GAN: variants seen among roughly 807,000 people sequenced by gnomAD.
GAN encodes gigaxonin.
A neutral mutation model predicts 71.3 loss-of-function variants in GAN; 48 were observed. The ratio of observed to expected loss-of-function variants is 0.67; its 90% CI spans 0.53 to 0.86. The LOEUF is 0.86. Among genes scored for constraint, GAN ranks in the 40% least tolerant of loss-of-function variants. The pLI is 0.00. For synonymous variants in GAN, 386 were observed against 276.8 expected (o/e 1.39, Z -3.92); for missense variants, 928 against 770.1 (o/e 1.21, Z -2.43).
chr16:81,371,628 C>A (rs1413017223), intron 9 of GAN, among the ~76,000 whole-genome samples: 2 of 152,118 alleles, frequency 1.3e-5, no homozygotes, highest in Non-Finnish European at 2.9e-5. Context: ...TTGAGGGGTG[C>A]TTCTCTACCT....
At chr16:81,335,674 G>T (rs187375867) in intron 1 of GAN, among the ~76,000 whole-genome samples, 43 of 150,388 alleles carry the variant, frequency 2.9e-4, no homozygotes, top group African/African-American at 1.1e-3. Context: ...TTGAACTCGG[G>T]AGGCGGAGGT....
At chr16:81,373,563 G>C (rs143998785) in intron 9 of GAN, among the ~76,000 whole-genome samples, 16 of 152,214 alleles carry the variant, frequency 1.1e-4, no homozygotes, top group African/African-American at 3.4e-4. Flanking sequence ...TTACATGACC[G>C]TAGTACAAGC....
At position 81,377,712 on chromosome 16, in the gene GAN, C is replaced by A; in HGVS notation, c.*116C>A. Reference sequence around the variant, plus strand: ...TCTGTGCTGGGCTTTGGTATGGTAACTCTTTGGTGGTTTTATGATGCTTAC... The same window carrying A: ...TCTGTGCTGGGCTTTGGTATGGTAAATCTTTGGTGGTTTTATGATGCTTAC... On this transcript the variant is annotated 3_prime_UTR_variant, in exon 11 of 11. Coordinates refer to ENST00000648994, the MANE Select transcript of GAN (RefSeq NM_022041.4). The A allele has an allele frequency of 1.0e-6, 1 of 961,218 alleles. No homozygotes were observed. The highest frequency in any genetic ancestry group is 1.3e-5 in the South Asian group (1 of 76,926). 59.5% of individuals were successfully genotyped at this position (961,218 alleles called of 1,614,324 possible).
At chr16:81,328,623 A>G (rs1238692767) in intron 1 of GAN, among the ~76,000 whole-genome samples, 1 of 150,832 alleles carries the variant, frequency 6.6e-6, no homozygotes, top group Non-Finnish European at 1.5e-5. Context: ...GTCTTATCAT[A>G]TAAAGACCCT....
chr16:81,328,058 G>A (rs1909446825), intron 1 of GAN, among the ~76,000 whole-genome samples: 1 of 152,134 alleles, frequency 6.6e-6, no homozygotes. Flanking sequence ...AATCGTCTTT[G>A]AACTCTTAAA....
chr16:81,335,521 C>A (rs1317823578), intron 1 of GAN, among the ~76,000 whole-genome samples: 2 of 151,912 alleles, frequency 1.3e-5, no homozygotes, highest in African/African-American at 4.8e-5. Flanking sequence ...CCAAGGTGGG[C>A]AGATCAACTG....
Position 81,362,573 on chromosome 16 carries a change from G to C in GAN, c.1048G>C (p.Asp350His). 6.2e-6 allele frequency: 10 copies of C among 1,605,196 alleles called. No individual in the cohort carries two copies. The highest frequency in any genetic ancestry group is 8.5e-6 in the Non-Finnish European group (10 of 1,171,794). Residue 350 changes from aspartate to histidine, a missense_variant, in exon 6 of 11, where the codon GAT (aspartate) becomes CAT (histidine). Asp to His is a moderately conservative substitution (Grantham distance 81). Transcript: ENST00000648994. ...TLSSGEKYDP[D>H]ANTWTALPPM... The stretch of plus-strand genomic sequence containing the variant: ...TAGCTCAGGAGAAAAGTATGATCCA[G>C]ATGCAAATACATGGACAGCATTGCC...
chr16:81,358,380 T>C (rs1484937340), intron 5 of GAN, among the ~76,000 whole-genome samples: 1 of 152,128 alleles, frequency 6.6e-6, no homozygotes, highest in Non-Finnish European at 1.5e-5. Flanking sequence ...TTTAGGAGGC[T>C]AAAGTGAGAG....
rs1405182152 is a variant in GAN, at chr16:81,389,194, TATTAGC to T, written c.*11600_*11605del. On this transcript the variant is annotated 3_prime_UTR_variant, in exon 11 of 11. Coordinates refer to ENST00000648994, the MANE Select transcript of GAN (RefSeq NM_022041.4). ...TCAGTTAAGAAAAGCACAGGCTGTT[TATTAGC>T]ACAACTTGCTTCATTAAATAATTCG... is the stretch of plus-strand genomic sequence containing the variant. The T allele has an allele frequency of 1.3e-5, 2 of 152,224 alleles. No homozygotes were observed. Among genetic ancestry groups the T allele is most frequent in the African/African-American group, 2.4e-5 (1 of 41,466 alleles). 9.4% of individuals were successfully genotyped at this position (152,224 alleles called of 1,614,324 possible).
rs1403909134 is a variant in GAN at position 81,357,883 on chromosome 16, C to G, written c.925C>G (p.Leu309Val). The G allele has an allele frequency of 5.0e-6, 8 of 1,613,804 alleles. No homozygotes were observed. Among genetic ancestry groups the G allele is most frequent in the Non-Finnish European group, 6.8e-6 (8 of 1,179,690 alleles). ...CCCTAACAGGCAGCTTTGGATCGAA[C>G]TGGCCCCTTTAAGCATGCCGAGAAT... ...YDPNRQLWIE[L>V]APLSMPRINH... Residue 309 changes from leucine to valine, a missense_variant, in exon 5 of 11, where the codon CTG (leucine) becomes GTG (valine). Leu to Val is a conservative substitution (Grantham distance 32). Transcript: ENST00000648994.
At chr16:81,349,389 C>G (rs1597398961) in intron 1 of GAN, among the ~76,000 whole-genome samples, 1 of 152,128 alleles carries the variant, frequency 6.6e-6, no homozygotes, top group Non-Finnish European at 1.5e-5. Context: ...TGGCTCATGC[C>G]TATAATCGCA....
intron 9 of GAN, among the ~76,000 whole-genome samples, chr16:81,366,864 G>A (rs1442614572): frequency 1.3e-5 from 2 of 151,760 alleles, no homozygotes; most frequent in South Asian, 2.1e-4. Flanking sequence ...TCGCTCTGTC[G>A]CCCGGGCTAG....
At chr16:81,363,065 G>C (rs1910731813) in intron 6 of GAN, among the ~76,000 whole-genome samples, 2 of 152,208 alleles carry the variant, frequency 1.3e-5, no homozygotes, top group African/African-American at 4.8e-5. Context: ...AATCGTGCTT[G>C]GCACGTAGGG....
At chr16:81,326,813 A>G (rs1909405699) in intron 1 of GAN, among the ~76,000 whole-genome samples, 1 of 152,240 alleles carries the variant, frequency 6.6e-6, no homozygotes, top group Non-Finnish European at 1.5e-5. Context: ...TAGAAAAGCC[A>G]CAGCAAAAAT....
chr16:81,330,167 C>T (rs1230130222), intron 1 of GAN, among the ~76,000 whole-genome samples: 2 of 152,250 alleles, frequency 1.3e-5, no homozygotes, highest in African/African-American at 2.4e-5. Context: ...TGTGGCAGGA[C>T]CTCTCACTGG....
chr16:81,360,015 TTGGA>T (rs796153000), intron 5 of GAN, among the ~76,000 whole-genome samples: 35 of 98,706 alleles, frequency 3.5e-4, no homozygotes, highest in African/African-American at 9.5e-4. Flanking sequence ...TTGATATATG[TTGGA>T]TGGATGGATG....
intron 1 of GAN, among the ~76,000 whole-genome samples, chr16:81,344,228 C>T (rs569837896): frequency 2.2e-3 from 334 of 152,292 alleles, no homozygotes; most frequent in African/African-American, 6.6e-3. Flanking sequence ...ATCAAGCTGC[C>T]GCTGACTTTC....
At chr16:81,363,614 C>T (rs779329730) in intron 6 of GAN, among the ~76,000 whole-genome samples, 180 bp from the exon 7 acceptor site, 1 of 152,200 alleles carries the variant, frequency 6.6e-6, no homozygotes. Flanking sequence ...AGGTACCAAG[C>T]GTCGTACCCA....
In GAN at chr16:81,383,146, G is replaced by C. The variant is rs575494157; in HGVS notation, c.*5550G>C. 3.4e-5 allele frequency: 5 copies of C among 148,916 alleles called. No homozygotes were observed. Among genetic ancestry groups the C allele is most frequent in the Non-Finnish European group, 7.4e-5 (5 of 67,456 alleles). 9.2% of individuals were successfully genotyped at this position (148,916 alleles called of 1,614,324 possible). On this transcript the variant is annotated 3_prime_UTR_variant, in exon 11 of 11. Coordinates refer to ENST00000648994, the MANE Select transcript of GAN (RefSeq NM_022041.4). ...TGTCATTGAAATTCTCTAAGTGATT[G>C]GATTTTTAAACCCCTTCCCCTTTTC...
Sources: gnomAD v4.1 joint callset for allele counts (sites outside exome capture counted in the v4.1 genomes callset) on GRCh38, gnomAD v4.1.1 for gene constraint, MANE v1.5 for transcripts, NCBI Gene and HGNC (gene_info 2026-07-23, HGNC 2026-07-21) for gene names.